THSD7B: variants seen among roughly 807,000 people sequenced by gnomAD.
The protein encoded by THSD7B is thrombospondin type 1 domain containing 7B, also known as thrombospondin type-1 domain-containing protein 7B.
In THSD7B, 138 loss-of-function variants were observed where a neutral mutation model predicts 213.6. The ratio of observed to expected loss-of-function variants is 0.65; its 90% CI spans 0.56 to 0.74. THSD7B has a LOEUF of 0.74. Among genes scored for constraint, THSD7B ranks in the 30% least tolerant of loss-of-function variants. THSD7B has a pLI of 0.00. For missense variants in THSD7B, 1,931 were observed against 1,991.5 expected, an observed-to-expected ratio of 0.97 and a Z score of 0.58; for synonymous variants, 742 against 687.0, an observed-to-expected ratio of 1.08 and a Z score of -1.25.
intron 3 of THSD7B, among the ~76,000 whole-genome samples, chr2:137,070,557 T>C (rs550525785): frequency 6.6e-6 from 1 of 151,772 alleles, no homozygotes; most frequent in Non-Finnish European, 1.5e-5. Context: ...TTTTATTTTT[T>C]TTTTAAATTT....
chr2:137,054,362 T>C (rs182321171), intron 2 of THSD7B, among the ~76,000 whole-genome samples: 63 of 152,300 alleles, frequency 4.1e-4, no homozygotes, highest in Middle Eastern at 3.4e-3. Flanking sequence ...GCAGAAGGCA[T>C]TGACATGCTA....
At chr2:137,527,497 A>G (rs1680300759) in intron 15 of THSD7B, among the ~76,000 whole-genome samples, 1 of 152,140 alleles carries the variant, frequency 6.6e-6, no homozygotes, top group Non-Finnish European at 1.5e-5. Context: ...CCATTTTTTT[A>G]GCTGAACATT....
chr2:136,926,357 T>G (rs569857611), intron 2 of THSD7B, among the ~76,000 whole-genome samples: 35 of 151,926 alleles, frequency 2.3e-4, no homozygotes, highest in African/African-American at 8.2e-4. Context: ...AGTTTACCTA[T>G]GTAACAAACC....
chr2:137,111,145 T>A (rs773476884), intron 4 of THSD7B, among the ~76,000 whole-genome samples: 1 of 152,236 alleles, frequency 6.6e-6, no homozygotes, highest in African/African-American at 2.4e-5. Flanking sequence ...GGGCTCTCAT[T>A]ATAAAATGAT....
At chr2:136,904,706 A>T (rs1684126574) in intron 2 of THSD7B, among the ~76,000 whole-genome samples, 1 of 152,158 alleles carries the variant, frequency 6.6e-6, no homozygotes, top group South Asian at 2.1e-4. Flanking sequence ...TGATCTGGAG[A>T]TCCCAAGGAA....
At chr2:137,559,741 G>A (rs1163442804) in intron 15 of THSD7B, among the ~76,000 whole-genome samples, 1 of 152,190 alleles carries the variant, frequency 6.6e-6, no homozygotes, top group Non-Finnish European at 1.5e-5. Flanking sequence ...AAGAGCTTCT[G>A]CACAGCAAAA....
Position 137,391,387 on chromosome 2 carries a change from TAA to T in THSD7B, c.2501-14223_2501-14222del, listed in dbSNP as rs879858663. Among the ~76,000 whole-genome samples the T allele has an allele frequency of 2.2e-4, 33 of 151,798 alleles. 1 individual carries two copies. The South Asian group carries it at 6.0e-3, about 28-fold the overall frequency. ...CAGCTAGTGGTTTATCAATTTTTTT[TAA>T]AATCTTTTTAAAGAACAGGCCAGGT... On this transcript the variant is annotated intron_variant, in intron 12 of 27. Coordinates refer to ENST00000409968, the MANE Select transcript of THSD7B (RefSeq NM_001316349.2).
At chr2:137,193,635 C>T (rs140440037) in intron 7 of THSD7B, among the ~76,000 whole-genome samples, 41 of 152,188 alleles carry the variant, frequency 2.7e-4, no homozygotes, top group Non-Finnish European at 5.6e-4. Context: ...TTTGTCCCGC[C>T]TTGCCAACAC....
chr2:137,403,098 G>A (rs1462067257), intron 12 of THSD7B, among the ~76,000 whole-genome samples: 1 of 152,042 alleles, frequency 6.6e-6, no homozygotes, highest in African/African-American at 2.4e-5. Context: ...GATGTGTGAT[G>A]GATTTTGTCC....
chr2:136,949,392 A>G (rs1684996011), intron 2 of THSD7B, among the ~76,000 whole-genome samples: 2 of 152,190 alleles, frequency 1.3e-5, no homozygotes, highest in South Asian at 4.1e-4. Flanking sequence ...ACTAGGAATG[A>G]TGTAAAAGAA....
chr2:136,833,093 T>C (rs1573659531), intron 1 of THSD7B, among the ~76,000 whole-genome samples: 1 of 152,080 alleles, frequency 6.6e-6, no homozygotes, highest in South Asian at 2.1e-4. Context: ...TGGCTGGGTG[T>C]GGTGGCTCAC....
At chr2:137,106,399 GATGGAT>G (rs1204057253) in intron 4 of THSD7B, among the ~76,000 whole-genome samples, 10 of 152,162 alleles carry the variant, frequency 6.6e-5, no homozygotes, top group African/African-American at 2.4e-4. Flanking sequence ...ATTAACTCAA[GATGGAT>G]TAAAGACTTA....
intron 12 of THSD7B, among the ~76,000 whole-genome samples, chr2:137,283,699 A>G (rs1238940379): frequency 2.6e-5 from 4 of 152,152 alleles, no homozygotes; most frequent in South Asian, 4.2e-4. Context: ...GCTGGATTAC[A>G]TTTATTGATT....
intron 10 of THSD7B, among the ~76,000 whole-genome samples, chr2:137,261,499 A>G (rs1432437070): frequency 6.6e-6 from 1 of 152,084 alleles, no homozygotes; most frequent in East Asian, 1.9e-4. Context: ...TGATGTACTG[A>G]GAGATAAGTA....
At chr2:137,449,604 G>A (rs74837346) in intron 14 of THSD7B, among the ~76,000 whole-genome samples, 5,621 of 152,244 alleles carry the variant, frequency 0.037, 154 homozygotes, top group Middle Eastern at 0.085. Flanking sequence ...GGGCCTGAAG[G>A]CCCTGTGTTC....
intron 6 of THSD7B, among the ~76,000 whole-genome samples, chr2:137,168,004 C>T (rs1477762942): frequency 1.3e-5 from 2 of 152,184 alleles, no homozygotes; most frequent in Non-Finnish European, 2.9e-5. Context: ...AGTAATAATG[C>T]ACCTTTGGAG....
intron 12 of THSD7B, among the ~76,000 whole-genome samples, chr2:137,280,330 C>T (rs1682977455): frequency 6.6e-6 from 1 of 152,122 alleles, no homozygotes; most frequent in African/African-American, 2.4e-5. Flanking sequence ...TACTTTCAGA[C>T]CAGCCCATCA....
intron 7 of THSD7B, among the ~76,000 whole-genome samples, chr2:137,181,765 C>T (rs886519008): frequency 6.6e-6 from 1 of 152,112 alleles, no homozygotes; most frequent in African/African-American, 2.4e-5. Flanking sequence ...GTCATGTCCC[C>T]TCATCATCAT....
intron 3 of THSD7B, among the ~76,000 whole-genome samples, chr2:137,093,438 T>A (rs2104917311): frequency 6.6e-6 from 1 of 152,298 alleles, no homozygotes; most frequent in Admixed American, 6.5e-5. Context: ...AATTTAAAGT[T>A]TACAGGAGGT....
Sources: allele counts gnomAD v4.1 joint callset (sites outside exome capture counted in the v4.1 genomes callset), GRCh38; gene constraint gnomAD v4.1.1; transcripts MANE v1.5; gene names NCBI Gene and HGNC (gene_info 2026-07-23, HGNC 2026-07-21).